Variants in SMC1B observed in about 807,000 individuals in gnomAD.
SMC1B encodes structural maintenance of chromosomes 1B, also known as structural maintenance of chromosomes protein 1B.
A neutral mutation model predicts 157.9 loss-of-function variants in SMC1B; 60 were observed. The observed-to-expected ratio is 0.38, with a 90% CI of 0.31 to 0.47. The LOEUF (loss-of-function observed/expected upper bound fraction) is 0.47, where lower values mean the gene tolerates loss of function less well. SMC1B is among the 20% of genes least tolerant of loss of function. The pLI, the probability that SMC1B is intolerant of heterozygous loss-of-function variation, is 0.99. For missense variants in SMC1B, 1,165 were observed against 1,426.2 expected (o/e 0.82, Z 2.95); for synonymous variants, 445 against 483.0 (o/e 0.92, Z 1.03).
In SMC1B at chr22:45,402,485, C is replaced by A. The variant is rs764355565; in HGVS notation, c.702G>T (p.Lys234Asn). 38 of 1,613,948 alleles carry A rather than the reference C, an allele frequency of 2.4e-5. 1 individual carries two copies. The highest frequency in any genetic ancestry group is 2.7e-5 in the Non-Finnish European group (32 of 1,179,946). ...QLFQLYHNEK[K>N]IHLLNTKLEH... is the part of the protein sequence containing the mutation. ...CTAACTTGGTGTTCAGGAGATGAAT[C>A]TTTTTCTCATTATGGTATAGTTGAA... is the stretch of plus-strand genomic sequence containing the variant. The change falls in exon 5 of 25, where the codon AAG becomes AAT. Residue 234 changes from lysine to asparagine, a missense_variant. Coordinates refer to ENST00000357450, the MANE Select transcript of SMC1B (RefSeq NM_148674.5).
chr22:45,355,364 C>A (rs891480696), intron 19 of SMC1B, among the ~76,000 whole-genome samples: 3 of 152,174 alleles, frequency 2.0e-5, no homozygotes, highest in African/African-American at 7.2e-5. Context: ...ACAATTTATA[C>A]TTCACCTTCA....
At position 45,355,228 on chromosome 22, in the gene SMC1B, T is replaced by C. The variant is rs562231428; in HGVS notation, c.2962-113A>G. 316 of 1,018,706 alleles carry C rather than the reference T, an allele frequency of 3.1e-4. 1 individual carries two copies. Among genetic ancestry groups the C allele is most frequent in the Non-Finnish European group, 4.2e-4 (281 of 671,484 alleles). 63.1% of individuals were successfully genotyped at this position (1,018,706 alleles called of 1,614,324 possible). ...CCCAGGTCCCTGTGCATCCACTCCTTCTCTCCCCAAAGCCCTCTCTGAGCC... is the reference window on the plus strand; with the variant it reads ...CCCAGGTCCCTGTGCATCCACTCCTCCTCTCCCCAAAGCCCTCTCTGAGCC... On this transcript the variant is annotated intron_variant, in intron 19 of 24. Coordinates refer to ENST00000357450, the MANE Select transcript of SMC1B (RefSeq NM_148674.5).
intron 23 of SMC1B, 147 bp from the exon 24 acceptor site, chr22:45,345,716 A>C: frequency 1.7e-6 from 1 of 585,630 alleles, no homozygotes; most frequent in Non-Finnish European, 3.1e-6. Flanking sequence ...ATCCTCAACA[A>C]CTGCAGAAAT....
intron 15 of SMC1B, among the ~76,000 whole-genome samples, chr22:45,363,630 C>A (rs1473586821): frequency 6.6e-6 from 1 of 151,876 alleles, no homozygotes; most frequent in African/African-American, 2.4e-5. Flanking sequence ...GAGTTGAGAT[C>A]ACACCACTGC....
chr22:45,359,834 C>A lies in SMC1B; in HGVS notation c.2833G>T (p.Gly945Trp), dbSNP rs1569177571. The A allele has an allele frequency of 1.2e-6, 2 of 1,613,674 alleles. No individual in the cohort carries two copies. Among genetic ancestry groups the A allele is most frequent in the Non-Finnish European group, 1.7e-6 (2 of 1,179,758 alleles). ...VQDIEIILLS[G>W]SLDDIIEVEM... The stretch of plus-strand genomic sequence containing the variant: ...ACTTCAATGATGTCATCCAGTGACC[C>A]CGACAAAAGGATTATCTCAATGTCT... The change falls in exon 18 of 25, where the codon GGG becomes TGG. Residue 945 changes from glycine (G) to tryptophan (W), a missense_variant. Physicochemically the swap from Gly to Trp is radical, Grantham distance 184. Transcript: ENST00000357450.
intron 12 of SMC1B, among the ~76,000 whole-genome samples, chr22:45,375,997 G>A (rs1238556345): frequency 6.6e-6 from 1 of 152,010 alleles, no homozygotes; most frequent in Non-Finnish European, 1.5e-5. Context: ...AGCCCATCTG[G>A]TCCCAGAGGT....
chr22:45,399,581 A>C (rs982083348), intron 5 of SMC1B, among the ~76,000 whole-genome samples: 4 of 152,238 alleles, frequency 2.6e-5, no homozygotes, highest in Admixed American at 2.6e-4. Flanking sequence ...ACTTGACACT[A>C]TGAATTTGCC....
rs1385762852 is a variant in SMC1B, at chr22:45,352,573, T to C, written c.3303A>G (p.Glu1101=). The change falls in exon 22 of 25, where the codon GAA becomes GAG. Residue 1101 remains glutamate (E), a synonymous_variant. Transcript: ENST00000357450. ...TATAGCTAATTCCCTCCAAGTAAGG[T>C]TCTTCAGGGTTCTCTGGGCTAAGAA... ...QAFLSPENPE[E]PYLEGISYNC... 6.2e-7 allele frequency: 1 copy of C among 1,612,638 alleles called. No individual in the cohort carries two copies. The highest frequency in any genetic ancestry group is 1.7e-5 in the Admixed American group (1 of 59,900).
intron 15 of SMC1B, among the ~76,000 whole-genome samples, chr22:45,369,043 A>C (rs926435345): frequency 6.6e-6 from 1 of 151,966 alleles, no homozygotes; most frequent in Non-Finnish European, 1.5e-5. Context: ...CTTGAAAATT[A>C]CCACTTACTA....
At chr22:45,400,294 T>C (rs1311048717) in intron 5 of SMC1B, among the ~76,000 whole-genome samples, 1 of 151,918 alleles carries the variant, frequency 6.6e-6, no homozygotes, top group Admixed American at 6.6e-5. Context: ...GACTGGCTTA[T>C]ACAAGATGAC....
intron 5 of SMC1B, among the ~76,000 whole-genome samples, chr22:45,401,144 AATGT>A (rs1216516085): frequency 6.6e-6 from 1 of 152,236 alleles, no homozygotes; most frequent in Non-Finnish European, 1.5e-5. Context: ...TAATTCTGAC[AATGT>A]ATCATAATAA....
Position 45,389,695 on chromosome 22 carries a change from C to T in SMC1B, c.1731+17G>A, listed in dbSNP as rs1286276503. 1.9e-6 allele frequency: 3 copies of T among 1,598,738 alleles called. No individual in the cohort carries two copies. Among genetic ancestry groups the T allele is most frequent in the Non-Finnish European group, 8.6e-7 (1 of 1,168,254 alleles). ...GATTTTTATCACTATAAATACCAGG[C>T]ATTACAAAGTTCTTACATCAAGGTA... On this transcript the variant is annotated intron_variant, in intron 10 of 24. Coordinates refer to ENST00000357450, the MANE Select transcript of SMC1B (RefSeq NM_148674.5).
chr22:45,386,010 G>A (rs1490568515), intron 11 of SMC1B, among the ~76,000 whole-genome samples: 1 of 151,950 alleles, frequency 6.6e-6, no homozygotes, highest in African/African-American at 2.4e-5. Context: ...ATTACTACCA[G>A]TTTTTGAGAG....
At chr22:45,359,644 GC>G (rs1220973974) in intron 18 of SMC1B, among the ~76,000 whole-genome samples, 160 bp downstream of exon 18, 2 of 152,306 alleles carry the variant, frequency 1.3e-5, no homozygotes, top group East Asian at 3.9e-4. Flanking sequence ...TCATCCCGTG[GC>G]CCTAGTCCTC....
chr22:45,370,020 C>A lies in SMC1B; in HGVS notation c.2354G>T (p.Gly785Val). ...DIFQHFCEEI[G>V]VENIREFENK... ...CTCAAATTCACGAATATTTTCCACG[C>A]CAATTTCTTCACAGAAGTGTTGGAA... is the stretch of plus-strand genomic sequence containing the variant. Residue 785 changes from glycine (G) to valine (V), a missense_variant, in exon 15 of 25, where the codon GGC becomes GTC. By Grantham distance (109) the Gly-to-Val change is moderately radical. Transcript: ENST00000357450. The A allele has an allele frequency of 6.3e-7, 1 of 1,596,282 alleles. No individual in the cohort carries two copies. The highest frequency in any genetic ancestry group is 8.5e-7 in the Non-Finnish European group (1 of 1,170,942).
intron 19 of SMC1B, among the ~76,000 whole-genome samples, chr22:45,356,870 C>T (rs1199013254): frequency 6.6e-6 from 1 of 151,720 alleles, no homozygotes; most frequent in African/African-American, 2.4e-5. Context: ...GCTGGGATTA[C>T]AGGCACGTGC....
chr22:45,397,694 C>T lies in SMC1B; in HGVS notation c.1114-1208G>A, dbSNP rs117372954. Among the ~76,000 whole-genome samples the T allele has an allele frequency of 4.3e-3, 654 of 152,172 alleles. 11 individuals are homozygous for T. Among genetic ancestry groups the T allele is most frequent in the East Asian group, 0.023 (121 of 5,180 alleles). ...TGTTGTACCCACTTTAGGGTGGTGC[C>T]GTTGTTTTAGCCTTTTTTTGCATAC... On this transcript the variant is annotated intron_variant, in intron 6 of 24. Coordinates refer to ENST00000357450, the MANE Select transcript of SMC1B (RefSeq NM_148674.5).
In SMC1B at chr22:45,362,880, A is replaced by C. The variant is rs778273920; in HGVS notation, c.2562+5T>G. 6.3e-7 allele frequency: 1 copy of C among 1,585,356 alleles called. No homozygotes were observed. Among genetic ancestry groups the C allele is most frequent in the South Asian group, 1.2e-5 (1 of 85,666 alleles). On this transcript the variant is annotated splice_donor_5th_base_variant and intron_variant, in intron 16 of 24. Transcript: ENST00000357450. ...GAGGCACTTCAGCTACCCATTATTA[A>C]TTACCTTCTTTAGGTGATCAATATC...
intron 20 of SMC1B, 24 bp downstream of exon 20, chr22:45,354,935 G>T (rs1465693823): frequency 1.1e-5 from 17 of 1,609,856 alleles, no homozygotes; most frequent in East Asian, 6.7e-5. Context: ...ATATAATCTT[G>T]TTAGTGACTA....
Sources: gnomAD v4.1 joint callset for allele counts (sites outside exome capture counted in the v4.1 genomes callset) on GRCh38, gnomAD v4.1.1 for gene constraint, MANE v1.5 for transcripts, NCBI Gene and HGNC (gene_info 2026-07-23, HGNC 2026-07-21) for gene names.